The following MAPT variants were observed in gnomAD, a reference collection of about 807,000 sequenced individuals.
The protein encoded by MAPT is microtubule associated protein tau.
A neutral mutation model predicts 67.9 loss-of-function variants in MAPT; 34 were observed. That is an observed-to-expected ratio of 0.50 (90% CI 0.38 to 0.67). The LOEUF (loss-of-function observed/expected upper bound fraction) is 0.67. Ranked by LOEUF, MAPT falls within the 30% of genes least tolerant of loss-of-function variation. The probability of loss-of-function intolerance (pLI) is 0.00; values close to 1 mark genes in which losing one functional copy is unlikely to be tolerated. For missense variants in MAPT, 881 were observed against 1,115.2 expected (o/e 0.79, Z 2.99); for synonymous variants, 456 against 464.5 (o/e 0.98, Z 0.23).
chr17:45,921,855 C>A (rs966622265), intron 1 of MAPT, among the ~76,000 whole-genome samples: 8 of 152,108 alleles, frequency 5.3e-5, no homozygotes, highest in African/African-American at 1.9e-4. Flanking sequence ...GGTATTCTGA[C>A]TGTTGTCCTC....
intron 10 of MAPT, 28 bp from the exon 11 acceptor site, chr17:46,014,210 TTCCTC>T (rs1462949510): frequency 7.7e-7 from 1 of 1,298,882 alleles, no homozygotes; most frequent in East Asian, 2.3e-5. Flanking sequence ...CTCTCTGCCT[TTCCTC>T]TTCTCTCTCC....
In MAPT at chr17:45,962,507, T is replaced by C. The variant is rs1444584087; in HGVS notation, c.133+37T>C. 3 of 1,610,988 alleles carry C rather than the reference T, an allele frequency of 1.9e-6. No individual in the cohort carries two copies. In the African/African-American group the frequency reaches 4.0e-5, roughly 22 times the overall value. ...GCCATGCACAGCAGGCCCAGATCAC[T>C]GCAAGCCAAGGGGTGGCGGGAACAG... On this transcript the variant is annotated intron_variant, in intron 2 of 12. Transcript: ENST00000262410.
At chr17:45,967,599 A>G (rs1266913693) in intron 2 of MAPT, among the ~76,000 whole-genome samples, 1 of 152,122 alleles carries the variant, frequency 6.6e-6, no homozygotes, top group Non-Finnish European at 1.5e-5. Flanking sequence ...GTGTCCAGGG[A>G]CAGTGTTTTA....
intron 1 of MAPT, among the ~76,000 whole-genome samples, chr17:45,900,920 C>T (rs529745427): frequency 6.6e-6 from 1 of 152,270 alleles, no homozygotes; most frequent in East Asian, 1.9e-4. Context: ...AGTAACTGCT[C>T]AGTAAATGGC....
chr17:45,967,727 C>T lies in MAPT; in HGVS notation c.134-4132C>T, dbSNP rs745855423. On this transcript the variant is annotated intron_variant, in intron 2 of 12. Transcript: ENST00000262410. ...CCTGAAACTGACTCTAAATTACTCC[C>T]GCCCCAGGTGGAGTGCCTTTCTCGG... is the stretch of plus-strand genomic sequence containing the variant. 9.2e-5 allele frequency among the ~76,000 whole-genome samples: 14 copies of T among 152,244 alleles called. No individual in the cohort carries two copies. In the Middle Eastern group the frequency reaches 0.014, roughly 148 times the overall value.
At chr17:45,940,774 T>A (rs987140732) in intron 1 of MAPT, among the ~76,000 whole-genome samples, 5 of 152,104 alleles carry the variant, frequency 3.3e-5, no homozygotes, top group Admixed American at 3.3e-4. Flanking sequence ...TTTCTGTCAC[T>A]CAGAGGATGA....
intron 1 of MAPT, among the ~76,000 whole-genome samples, chr17:45,945,929 A>AT (rs1210144807): frequency 1.3e-5 from 2 of 152,228 alleles, no homozygotes; most frequent in East Asian, 3.8e-4. Context: ...ACATGTGTGC[A>AT]TAGGAGAGGG....
intron 1 of MAPT, among the ~76,000 whole-genome samples, chr17:45,920,571 CTG>C (rs2065611440): frequency 6.6e-6 from 1 of 152,196 alleles, no homozygotes; most frequent in Non-Finnish European, 1.5e-5. Context: ...AGCTCCAACT[CTG>C]TGGCTGTGTT....
At chr17:45,931,254 C>T (rs2066825867) in intron 1 of MAPT, among the ~76,000 whole-genome samples, 1 of 152,088 alleles carries the variant, frequency 6.6e-6, no homozygotes, top group African/African-American at 2.4e-5. Context: ...AACAACCTCA[C>T]CTATATATGA....
chr17:46,013,483 G>C (rs1446179057), intron 10 of MAPT, among the ~76,000 whole-genome samples: 1 of 152,258 alleles, frequency 6.6e-6, no homozygotes, highest in Non-Finnish European at 1.5e-5. Flanking sequence ...CCTCATGTGT[G>C]TCTGCGTCCG....
intron 3 of MAPT, among the ~76,000 whole-genome samples, chr17:45,972,260 C>T (rs1458201461): frequency 6.6e-6 from 1 of 152,218 alleles, no homozygotes; most frequent in African/African-American, 2.4e-5. Context: ...CTCTCTCTTT[C>T]TTCAGGGGCC....
Position 46,024,399 on chromosome 17 carries a change from G to A in MAPT, c.*228G>A. The A allele has an allele frequency of 1.7e-6, 1 of 587,540 alleles. No homozygotes were observed. Among genetic ancestry groups the A allele is most frequent in the Non-Finnish European group, 3.0e-6 (1 of 329,264 alleles). 36.4% of individuals were successfully genotyped at this position (587,540 alleles called of 1,614,324 possible). On this transcript the variant is annotated 3_prime_UTR_variant, in exon 13 of 13. Transcript: ENST00000262410. ...TCTTTCCAAATTGATGGGTGGGCTAGTAATAAAATATTTAAAAAAAAACAT... is the reference window on the plus strand; with the variant it reads ...TCTTTCCAAATTGATGGGTGGGCTAATAATAAAATATTTAAAAAAAAACAT...
At chr17:45,958,869 C>G (rs2070049835) in intron 1 of MAPT, among the ~76,000 whole-genome samples, 1 of 152,116 alleles carries the variant, frequency 6.6e-6, no homozygotes, top group South Asian at 2.1e-4. Context: ...TCTAGACCAG[C>G]TTGGCCAACA....
At chr17:45,974,344 C>A in intron 3 of MAPT, 1 of 1,425,412 alleles carries the variant, frequency 7.0e-7, no homozygotes, top group Non-Finnish European at 9.7e-7. Flanking sequence ...CTGGGTATGG[C>A]TCGTCCTGGC....
rs114629330 is a variant in MAPT, at chr17:45,942,472, G to A, written c.-17-19849G>A. ...AGAGGGCCAAGGGGCACCACGTGTC[G>A]TGGGTACTGTCAAACAAGAGCCTTC... On this transcript the variant is annotated intron_variant, in intron 1 of 12. Transcript: ENST00000262410. 4.1e-3 allele frequency among the ~76,000 whole-genome samples: 627 copies of A among 152,332 alleles called. 5 individuals are homozygous for A. Among genetic ancestry groups the A allele is most frequent in the African/African-American group, 0.014 (594 of 41,584 alleles).
rs527346714 is a variant in MAPT at position 45,996,137 on chromosome 17, C to G, written c.1733-262C>G. On this transcript the variant is annotated intron_variant, in intron 8 of 12. Coordinates refer to ENST00000262410, the MANE Select transcript of MAPT (RefSeq NM_001377265.1). This position sits in a 1 kb window ranked among gnomAD's most constrained non-coding sequence, Gnocchi z 4.5. ...CTGTGGAGCCGAGTTGGCCACCTCT[C>G]TGGGAGCGGGTATTGGATGGTGGTT... is the stretch of plus-strand genomic sequence containing the variant. 6.6e-6 allele frequency among the ~76,000 whole-genome samples: 1 copy of G among 152,272 alleles called. No homozygotes were observed. The highest frequency in any genetic ancestry group is 1.9e-4 in the East Asian group (1 of 5,178).
chr17:45,997,779 C>CA lies in MAPT; in HGVS notation c.1998+1122dup, dbSNP rs538651693. On this transcript the variant is annotated intron_variant, in intron 9 of 12. Transcript: ENST00000262410. The stretch of plus-strand genomic sequence containing the variant: ...TGTCTCAAAACAAAATAAAACAAAC[C>CA]AAAAAAACCCACCATGGCTTAGGGC... 9.3e-4 allele frequency among the ~76,000 whole-genome samples: 141 copies of CA among 151,970 alleles called. 1 individual carries two copies. The highest frequency in any genetic ancestry group is 3.2e-3 in the African/African-American group (132 of 41,460).
chr17:45,909,214 T>C (rs958669412), intron 1 of MAPT, among the ~76,000 whole-genome samples: 1 of 151,162 alleles, frequency 6.6e-6, no homozygotes, highest in Non-Finnish European at 1.5e-5. Context: ...GGGGGACAGA[T>C]GCAACCAGTG....
Position 45,962,346 on chromosome 17 carries a change from G to A in MAPT, c.9G>A (p.Glu3=). Residue 3 remains glutamate (E), a synonymous_variant, in exon 2 of 13, where the codon GAG becomes GAA. Transcript: ENST00000262410. ...GTGAACTTTGAACCAGGATGGCTGA[G>A]CCCCGCCAGGAGTTCGAAGTGATGG... MA[E]PRQEFEVMED... The A allele has an allele frequency of 6.2e-7, 1 of 1,612,006 alleles. No homozygotes were observed. The highest frequency in any genetic ancestry group is 8.5e-7 in the Non-Finnish European group (1 of 1,179,814).
Sources: allele counts gnomAD v4.1 joint callset (sites outside exome capture counted in the v4.1 genomes callset), GRCh38; gene constraint gnomAD v4.1.1; non-coding constraint Gnocchi (gnomAD v3.1); transcripts MANE v1.5; gene names NCBI Gene and HGNC (gene_info 2026-07-23, HGNC 2026-07-21).